TMEM178A: variants seen among roughly 807,000 people sequenced by gnomAD.
TMEM178A encodes transmembrane protein 178.
TMEM178A carries 12 observed loss-of-function variants against 29.1 expected under a neutral mutation model. That is an observed-to-expected ratio of 0.41 (90% CI 0.26 to 0.67). The LOEUF (loss-of-function observed/expected upper bound fraction) is 0.67, where lower values mean the gene tolerates loss of function less well. TMEM178A is among the 30% of genes least tolerant of loss of function. TMEM178A has a pLI of 0.29. For synonymous variants in TMEM178A, 210 were observed against 187.2 expected (o/e 1.12, Z -0.99); for missense variants, 366 against 419.1 (o/e 0.87, Z 1.11).
At chr2:39,719,046 G>A (rs1314732706), downstream of TMEM178A, among the ~76,000 whole-genome samples, 2 of 152,178 alleles carry the variant, frequency 1.3e-5, no homozygotes, top group Admixed American at 6.5e-5. Flanking sequence ...GCCGAAAGGG[G>A]TTGGAGGATG....
intron 3 of TMEM178A, among the ~76,000 whole-genome samples, chr2:39,711,898 C>T (rs1011943935): frequency 1.1e-4 from 17 of 152,084 alleles, no homozygotes; most frequent in Non-Finnish European, 2.9e-5. Flanking sequence ...ATTCCTGTAG[C>T]TAAACATACG....
chr2:39,686,058 G>A (rs1671064586), intron 1 of TMEM178A, among the ~76,000 whole-genome samples: 1 of 152,230 alleles, frequency 6.6e-6, no homozygotes, highest in Non-Finnish European at 1.5e-5. Context: ...TGCTCTCTGA[G>A]ACCTTTTGCA....
the TMEM178A span, among the ~76,000 whole-genome samples, chr2:39,729,869 C>G: frequency 5.3e-5 from 8 of 152,188 alleles, no homozygotes; most frequent in Non-Finnish European, 8.8e-5. Context: ...AGGGGCCCTA[C>G]AGGATCAGAT....
intron 1 of TMEM178A, among the ~76,000 whole-genome samples, chr2:39,677,957 G>A (rs1670698814): frequency 1.3e-5 from 2 of 150,562 alleles, no homozygotes; most frequent in South Asian, 2.1e-4. Context: ...TTGTAGGTTC[G>A]ACAAGAAAAA....
At chr2:39,682,094 A>G (rs1024013410) in intron 1 of TMEM178A, among the ~76,000 whole-genome samples, 6 of 152,202 alleles carry the variant, frequency 3.9e-5, no homozygotes, top group African/African-American at 1.4e-4. Context: ...CCTTTTTATT[A>G]TATTTTATGA....
chr2:39,719,500 AC>A (rs1394537762), downstream of TMEM178A, among the ~76,000 whole-genome samples: 1 of 152,192 alleles, frequency 6.6e-6, no homozygotes, highest in Non-Finnish European at 1.5e-5. Flanking sequence ...GCTCGAAGCA[AC>A]CAACGTGCCA....
chr2:39,715,054 A>G (rs1189698041), intron 3 of TMEM178A, among the ~76,000 whole-genome samples: 1 of 152,212 alleles, frequency 6.6e-6, no homozygotes, highest in East Asian at 1.9e-4. Context: ...AGGTAATTTC[A>G]AGTTTGCACA....
chr2:39,719,837 G>A (rs574544538), downstream of TMEM178A, among the ~76,000 whole-genome samples: 55 of 151,964 alleles, frequency 3.6e-4, 1 homozygote, highest in African/African-American at 1.3e-3. Context: ...CTCGATAATC[G>A]AGATTTCCCA....
rs535709860 is a variant in TMEM178A at position 39,694,746 on chromosome 2, T to C, written c.401-9335T>C. ...AACAACTTTCAAAGTATTGATTGCATGTTAAATTTAAAAATACTAAAATTA... is the reference window on the plus strand; with the variant it reads ...AACAACTTTCAAAGTATTGATTGCACGTTAAATTTAAAAATACTAAAATTA... On this transcript the variant is annotated intron_variant, in intron 1 of 3. Transcript: ENST00000281961. Among the ~76,000 whole-genome samples, 14 of 152,374 alleles carry C rather than the reference T, an allele frequency of 9.2e-5. No homozygotes were observed. In the South Asian group the frequency reaches 2.9e-3, roughly 32 times the overall value.
intron 1 of TMEM178A, among the ~76,000 whole-genome samples, chr2:39,693,770 G>A (rs1671424837): frequency 6.6e-6 from 1 of 152,116 alleles, no homozygotes; most frequent in African/African-American, 2.4e-5. Context: ...ATGGTTCTGA[G>A]AAGCTGAGAA....
intron 1 of TMEM178A, among the ~76,000 whole-genome samples, chr2:39,682,471 C>T (rs1318619681): frequency 6.6e-6 from 1 of 151,932 alleles, no homozygotes; most frequent in Non-Finnish European, 1.5e-5. Flanking sequence ...CTGTTGTCTG[C>T]CTCTGGCTGT....
the TMEM178A span, among the ~76,000 whole-genome samples, chr2:39,734,231 C>T: frequency 4.6e-5 from 7 of 152,248 alleles, no homozygotes; most frequent in Admixed American, 1.3e-4. Context: ...GACTCCCTCA[C>T]TGCTAAAGCC....
At chr2:39,670,607 A>C (rs1239628563) in intron 1 of TMEM178A, among the ~76,000 whole-genome samples, 1 of 152,236 alleles carries the variant, frequency 6.6e-6, no homozygotes, top group Non-Finnish European at 1.5e-5. Context: ...CAAGTGCAGT[A>C]TATATGTTTC....
chr2:39,674,759 A>G (rs1670546267), intron 1 of TMEM178A, among the ~76,000 whole-genome samples: 1 of 152,258 alleles, frequency 6.6e-6, no homozygotes, highest in African/African-American at 2.4e-5. Context: ...ATACAGCAGT[A>G]CAAGAAAAAA....
intron 3 of TMEM178A, among the ~76,000 whole-genome samples, chr2:39,710,201 C>T (rs529302189): frequency 6.6e-6 from 1 of 151,916 alleles, no homozygotes; most frequent in African/African-American, 2.4e-5. Context: ...CAACAGAAAC[C>T]ACCACCACCA....
At chr2:39,690,657 G>A (rs1671273248) in intron 1 of TMEM178A, among the ~76,000 whole-genome samples, 1 of 152,172 alleles carries the variant, frequency 6.6e-6, no homozygotes, top group Admixed American at 6.5e-5. Context: ...TGTGAAAACA[G>A]CAACACAAGC....
chr2:39,728,070 ATG>A, the TMEM178A span, among the ~76,000 whole-genome samples: 1 of 152,186 alleles, frequency 6.6e-6, no homozygotes, highest in African/African-American at 2.4e-5. Flanking sequence ...TCCTTTGGGT[ATG>A]TACCCAGTAA....
rs1458606476 is a variant in TMEM178A at position 39,706,623 on chromosome 2, T to TC, written c.515-425dup. Among the ~76,000 whole-genome samples, 12 of 94,024 alleles carry TC rather than the reference T, an allele frequency of 1.3e-4. No homozygotes were observed. In the Admixed American group the frequency reaches 1.3e-3, roughly 10 times the overall value. 61.7% of individuals were successfully genotyped at this position (94,024 alleles called of 152,430 possible). A position where few individuals can be genotyped will look rare whatever the true frequency, so the allele number is the denominator to read the frequency against. On this transcript the variant is annotated intron_variant, in intron 2 of 3. Transcript: ENST00000281961. ...CACTACCAGGGTAGTAACCTACATT[T>TC]CTTTTTTTTCCCCTTTTAAAATTTC...
At chr2:39,674,660 G>C (rs1430816037) in intron 1 of TMEM178A, among the ~76,000 whole-genome samples, 1 of 151,664 alleles carries the variant, frequency 6.6e-6, no homozygotes, top group Non-Finnish European at 1.5e-5. Context: ...AATAACTTAT[G>C]GAAAAACAAA....
Sources: gnomAD v4.1 joint callset for allele counts (sites outside exome capture counted in the v4.1 genomes callset) on GRCh38, gnomAD v4.1.1 for gene constraint, MANE v1.5 for transcripts, NCBI Gene and HGNC (gene_info 2026-07-23, HGNC 2026-07-21) for gene names.